Variants in EPHA6 observed in about 807,000 individuals in gnomAD.
The protein encoded by EPHA6 is ephrin type-A receptor 6.
Under a neutral mutation model 112.0 loss-of-function variants are expected in EPHA6, and 50 were observed. That is an observed-to-expected ratio of 0.45 (90% confidence interval 0.36 to 0.56). The LOEUF is 0.56. Ranked by LOEUF, EPHA6 falls within the 20% of genes least tolerant of loss-of-function variation. The probability of loss-of-function intolerance (pLI) is 0.00; values close to 1 mark genes in which losing one functional copy is unlikely to be tolerated. For missense variants in EPHA6, 1,280 were observed against 1,417.4 expected (o/e 0.90, Z 1.56); for synonymous variants, 529 against 490.7 (o/e 1.08, Z -1.03).
chr3:96,866,501 G>A (rs538025193), intron 1 of EPHA6, among the ~76,000 whole-genome samples: 69 of 151,638 alleles, frequency 4.6e-4, no homozygotes, highest in Middle Eastern at 3.4e-3. Context: ...TGAAAGTGGG[G>A]GAAAAGCAAA....
intron 11 of EPHA6, among the ~76,000 whole-genome samples, chr3:97,567,739 C>T (rs1029156691): frequency 7.2e-5 from 11 of 152,270 alleles, no homozygotes; most frequent in African/African-American, 2.6e-4. Context: ...TACCCATGAA[C>T]GTGCAGCCAC....
chr3:97,400,718 T>C (rs1481811097), intron 5 of EPHA6, among the ~76,000 whole-genome samples: 2 of 151,726 alleles, frequency 1.3e-5, no homozygotes, highest in Non-Finnish European at 3.0e-5. Context: ...TTGTTGGTTT[T>C]TTCAGCATAT....
rs58415894 is a variant in EPHA6, at chr3:97,752,058, T to C, written c.*3357T>C. The C allele has an allele frequency of 3.1e-3, 692 of 224,198 alleles. 5 individuals carry two copies. Among genetic ancestry groups the C allele is most frequent in the African/African-American group, 0.014 (614 of 45,012 alleles). The allele number at this position is 224,198 out of a possible 1,614,324, so 13.9% of individuals were successfully genotyped here. A position where few individuals can be genotyped will look rare whatever the true frequency, so the allele number is the denominator to read the frequency against. On this transcript the variant is annotated 3_prime_UTR_variant, in exon 18 of 18. Transcript: ENST00000389672. ...GTGGTTTAACACGAATCAAGAATTATAGCACTTTTGCAATGAGTTATAACT... is the reference window on the plus strand; with the variant it reads ...GTGGTTTAACACGAATCAAGAATTACAGCACTTTTGCAATGAGTTATAACT...
intron 12 of EPHA6, among the ~76,000 whole-genome samples, chr3:97,596,902 A>ATATATATATATATATATATATATATATG (rs1488752484): frequency 8.7e-6 from 1 of 114,324 alleles, no homozygotes; most frequent in Admixed American, 8.5e-5. Context: ...ATATATATAT[A>ATATATATATATATATATATATATATATG]TATGTATGTA....
chr3:97,089,929 G>A (rs541876233), intron 3 of EPHA6, among the ~76,000 whole-genome samples: 2 of 152,120 alleles, frequency 1.3e-5, no homozygotes, highest in South Asian at 4.2e-4. Flanking sequence ...ACCACTTCCT[G>A]AATAAGGGAT....
intron 14 of EPHA6, among the ~76,000 whole-genome samples, chr3:97,668,716 C>A (rs1458334515): frequency 1.3e-5 from 2 of 151,702 alleles, no homozygotes; most frequent in Non-Finnish European, 2.9e-5. Context: ...GAGTTTGAGA[C>A]CAGCCTGGGC....
Position 97,475,440 on chromosome 3 carries a change from A to G in EPHA6, c.1983A>G (p.Leu661=). 6.2e-7 allele frequency: 1 copy of G among 1,610,774 alleles called. No homozygotes were observed. The highest frequency in any genetic ancestry group is 1.1e-5 in the South Asian group (1 of 90,556). ...GGFTLLVILT[L]FFLITGRCQW... ...TCACTCTCCTCGTCATCCTCACTTTATTCTTCTTGATCACTGGGAGGTAAC... is the reference window on the plus strand; with the variant it reads ...TCACTCTCCTCGTCATCCTCACTTTGTTCTTCTTGATCACTGGGAGGTAAC... Residue 661 remains leucine (L), a synonymous_variant, in exon 8 of 18, where the codon TTA becomes TTG. Coordinates refer to ENST00000389672, the MANE Select transcript of EPHA6 (RefSeq NM_001080448.3).
intron 3 of EPHA6, among the ~76,000 whole-genome samples, chr3:97,045,389 T>G (rs989935881): frequency 6.6e-6 from 1 of 151,972 alleles, no homozygotes; most frequent in Non-Finnish European, 1.5e-5. Flanking sequence ...TTGCCGTAAA[T>G]AGCATAGAGC....
chr3:97,707,326 T>C (rs2033731670), intron 14 of EPHA6, among the ~76,000 whole-genome samples: 1 of 152,142 alleles, frequency 6.6e-6, no homozygotes, highest in Non-Finnish European at 1.5e-5. Flanking sequence ...CCTCCAAAAC[T>C]CTTATAAACT....
At chr3:96,815,267 C>G (rs1486213434) in intron 1 of EPHA6, among the ~76,000 whole-genome samples, 1 of 152,100 alleles carries the variant, frequency 6.6e-6, no homozygotes, top group African/African-American at 2.4e-5. Context: ...TGGGTCCCAC[C>G]GCTAGCGGCC....
intron 2 of EPHA6, among the ~76,000 whole-genome samples, chr3:96,941,735 T>C (rs962793999): frequency 6.6e-6 from 1 of 152,158 alleles, no homozygotes; most frequent in Non-Finnish European, 1.5e-5. Context: ...GGTTTTATCT[T>C]GTTTTGGTCT....
rs71286029 is a variant in EPHA6 at position 97,328,054 on chromosome 3, C to CATATATATATATATAT, written c.1607-77086_1607-77071dup. Among the ~76,000 whole-genome samples the CATATATATATATATAT allele has an allele frequency of 5.1e-3, 613 of 120,838 alleles. 30 individuals carry two copies. Among genetic ancestry groups the CATATATATATATATAT allele is most frequent in the African/African-American group, 0.019 (486 of 25,906 alleles). 79.3% of individuals were successfully genotyped at this position (120,838 alleles called of 152,430 possible). A position where few individuals can be genotyped will look rare whatever the true frequency, so the allele number is the denominator to read the frequency against. The stretch of plus-strand genomic sequence containing the variant: ...GTGTATATATACACACATATATACA[C>CATATATATATATATAT]ATATATATATATATATATATATATA... On this transcript the variant is annotated intron_variant, in intron 5 of 17. Transcript: ENST00000389672.
At chr3:97,232,861 T>C (rs2078568361) in intron 4 of EPHA6, among the ~76,000 whole-genome samples, 1 of 152,148 alleles carries the variant, frequency 6.6e-6, no homozygotes. Context: ...CACAGTGGCC[T>C]GCTGGCACTC....
At chr3:97,306,005 G>T (rs1026381460) in intron 5 of EPHA6, among the ~76,000 whole-genome samples, 2 of 151,768 alleles carry the variant, frequency 1.3e-5, no homozygotes, top group Non-Finnish European at 2.9e-5. Context: ...AAATATAGAT[G>T]ATATAGGTAT....
chr3:96,839,742 T>C (rs1458123906), intron 1 of EPHA6, among the ~76,000 whole-genome samples: 2 of 152,144 alleles, frequency 1.3e-5, no homozygotes, highest in Non-Finnish European at 2.9e-5. Flanking sequence ...AGAAACCTTA[T>C]AAGCTTTCTT....
intron 2 of EPHA6, among the ~76,000 whole-genome samples, chr3:96,986,193 T>C (rs1265311092): frequency 6.6e-6 from 1 of 152,322 alleles, no homozygotes; most frequent in East Asian, 1.9e-4. Context: ...TAAATATTGA[T>C]AATATAAACT....
chr3:97,238,378 A>T (rs1350954418), intron 4 of EPHA6, among the ~76,000 whole-genome samples: 1 of 151,960 alleles, frequency 6.6e-6, no homozygotes, highest in Non-Finnish European at 1.5e-5. Context: ...TACTTGTCAA[A>T]ATTTGTACTA....
At chr3:97,304,477 T>C (rs1010773391) in intron 5 of EPHA6, among the ~76,000 whole-genome samples, 2 of 151,412 alleles carry the variant, frequency 1.3e-5, no homozygotes, top group Non-Finnish European at 2.9e-5. Flanking sequence ...AGGCATCACA[T>C]TTTCCAACTT....
chr3:96,928,881 T>A (rs1327123538), intron 2 of EPHA6, among the ~76,000 whole-genome samples: 1 of 152,232 alleles, frequency 6.6e-6, no homozygotes, highest in Non-Finnish European at 1.5e-5. Context: ...AATACCCTTC[T>A]TTGTCTTTTT....
Sources: gnomAD v4.1 joint callset for allele counts (sites outside exome capture counted in the v4.1 genomes callset) on GRCh38, gnomAD v4.1.1 for gene constraint, MANE v1.5 for transcripts, NCBI Gene and HGNC (gene_info 2026-07-23, HGNC 2026-07-21) for gene names.